The following ANKRD45 variants were observed in gnomAD, a reference collection of about 807,000 sequenced individuals.
ANKRD45 encodes ankyrin repeat domain-containing protein 45.
A neutral mutation model predicts 28.1 loss-of-function variants in ANKRD45; 21 were observed. That is an observed-to-expected ratio of 0.75 (90% CI 0.53 to 1.08). ANKRD45 has a LOEUF of 1.08. Among genes scored for constraint, ANKRD45 ranks in the 50% least tolerant of loss-of-function variants. The pLI is 0.00. For missense variants in ANKRD45, 261 were observed against 308.7 expected (o/e 0.85, Z 1.16); for synonymous variants, 86 against 103.9 (o/e 0.83, Z 1.05).
the ANKRD45 span, among the ~76,000 whole-genome samples, chr1:173,697,281 C>T: frequency 6.6e-6 from 1 of 152,184 alleles, no homozygotes; most frequent in Admixed American, 6.5e-5. Flanking sequence ...CCTAGCAAGG[C>T]AGGCCAACAT....
intron 5 of ANKRD45, chr1:173,612,525 C>T (rs1489465758): frequency 6.6e-6 from 1 of 152,188 alleles, no homozygotes; most frequent in African/African-American, 2.4e-5. Flanking sequence ...CATTAAGATA[C>T]CACTTCATAC....
chr1:173,640,212 C>A (rs1668641997), intron 3 of ANKRD45, among the ~76,000 whole-genome samples: 2 of 152,124 alleles, frequency 1.3e-5, no homozygotes, highest in Middle Eastern at 6.8e-3. Flanking sequence ...AGTTCCTGAG[C>A]AATTATATAC....
chr1:173,687,254 G>A, the ANKRD45 span, among the ~76,000 whole-genome samples: 2 of 151,964 alleles, frequency 1.3e-5, no homozygotes, highest in African/African-American at 4.8e-5. Context: ...TTTACATTCA[G>A]GAGGCCTAAT....
the ANKRD45 span, among the ~76,000 whole-genome samples, chr1:173,706,467 T>C: frequency 1.3e-5 from 2 of 151,680 alleles, no homozygotes; most frequent in African/African-American, 2.4e-5. Context: ...GCCTCCCAAG[T>C]AGCTGGGATT....
the ANKRD45 span, among the ~76,000 whole-genome samples, chr1:173,675,129 T>C: frequency 1.3e-5 from 2 of 152,138 alleles, no homozygotes; most frequent in African/African-American, 4.8e-5. Flanking sequence ...AGTAGGCAGG[T>C]ATGAAAGTGG....
the ANKRD45 span, among the ~76,000 whole-genome samples, chr1:173,696,878 G>A: frequency 0.019 from 2,912 of 152,146 alleles, 86 homozygotes; most frequent in African/African-American, 0.067. Flanking sequence ...TAAGCTAAAG[G>A]AGCATGTTCA....
At chr1:173,688,517 T>TC in the ANKRD45 span, among the ~76,000 whole-genome samples, 211 of 143,070 alleles carry the variant, frequency 1.5e-3, 2 homozygotes, top group African/African-American at 5.1e-3. Context: ...CCTCTTCCTC[T>TC]TTGCCTCTTC....
chr1:173,609,310 A>G lies in ANKRD45; in HGVS notation c.*835T>C, dbSNP rs1221618001. Among the ~76,000 whole-genome samples the G allele has an allele frequency of 6.6e-6, 1 of 152,244 alleles. No homozygotes were observed. The highest frequency in any genetic ancestry group is 1.9e-4 in the East Asian group (1 of 5,190). On this transcript the variant is annotated 3_prime_UTR_variant, in exon 6 of 6. Transcript: ENST00000333279. Reference sequence around the variant, plus strand: ...AGAACAGGACAAAGAAGAGAAAGCCATAAGAACGAACAATAAGTGCTTTTT... The same window carrying G: ...AGAACAGGACAAAGAAGAGAAAGCCGTAAGAACGAACAATAAGTGCTTTTT...
At chr1:173,615,559 A>T (rs6694637) in intron 5 of ANKRD45, among the ~76,000 whole-genome samples, 8 of 152,268 alleles carry the variant, frequency 5.3e-5, no homozygotes, top group South Asian at 4.1e-4. Context: ...CAAAATTAAC[A>T]ATAAAATTAA....
At chr1:173,614,360 G>A (rs1313856428) in intron 5 of ANKRD45, among the ~76,000 whole-genome samples, 1 of 152,120 alleles carries the variant, frequency 6.6e-6, no homozygotes, top group Non-Finnish European at 1.5e-5. Context: ...GGGCTCTACG[G>A]CCACTATTTT....
intron 2 of ANKRD45, among the ~76,000 whole-genome samples, chr1:173,650,823 G>C (rs1474851780): frequency 1.3e-5 from 2 of 152,198 alleles, no homozygotes; most frequent in Non-Finnish European, 2.9e-5. Context: ...TTGTGGGTTT[G>C]ATTTGCATTT....
the ANKRD45 span, among the ~76,000 whole-genome samples, chr1:173,694,898 A>G: frequency 2.0e-5 from 3 of 152,186 alleles, no homozygotes; most frequent in African/African-American, 7.2e-5. Context: ...TATTTTTATT[A>G]GGAAATTTTT....
chr1:173,608,627 T>C lies in ANKRD45; in HGVS notation c.*1518A>G, dbSNP rs943731510. On this transcript the variant is annotated 3_prime_UTR_variant, in exon 6 of 6. Transcript: ENST00000333279. ...AGCCAGCACCCAGCCTGCAAATGTT[T>C]ATTTTTTCAATTACCCAAGCATGGT... Among the ~76,000 whole-genome samples the C allele has an allele frequency of 6.6e-6, 1 of 151,516 alleles. No individual in the cohort carries two copies. The highest frequency in any genetic ancestry group is 2.4e-5 in the African/African-American group (1 of 41,166).
chr1:173,697,895 A>G, the ANKRD45 span, among the ~76,000 whole-genome samples: 1 of 152,118 alleles, frequency 6.6e-6, no homozygotes, highest in Non-Finnish European at 1.5e-5. Flanking sequence ...GTCAAGACCC[A>G]TCAGTGTGCT....
chr1:173,669,758 C>T (rs2102406115), intron 1 of ANKRD45, 59 bp downstream of exon 1: 1 of 240,374 alleles, frequency 4.2e-6, no homozygotes, highest in African/African-American at 2.3e-5. Context: ...CCGTCTACCC[C>T]ATCGCACTCC....
chr1:173,654,353 C>T (rs932476356), intron 2 of ANKRD45, among the ~76,000 whole-genome samples: 23 of 152,132 alleles, frequency 1.5e-4, no homozygotes, highest in African/African-American at 3.6e-4. Context: ...CCTTTACTTA[C>T]GAAGCTTAGT....
rs538816127 is a variant in ANKRD45 at position 173,644,003 on chromosome 1, C to T, written c.496+2843G>A. 2.0e-5 allele frequency among the ~76,000 whole-genome samples: 3 copies of T among 152,250 alleles called. No homozygotes were observed. The South Asian group carries it at 6.2e-4, about 32-fold the overall frequency. On this transcript the variant is annotated intron_variant, in intron 3 of 5. Transcript: ENST00000333279. The stretch of plus-strand genomic sequence containing the variant: ...ATGTTTGTTTCATACTTTCAGAGTT[C>T]TGAAATGTTAGCTAATTCCCTCTAA...
intron 1 of ANKRD45, among the ~76,000 whole-genome samples, chr1:173,664,523 A>G (rs1669924366): frequency 6.6e-6 from 1 of 152,162 alleles, no homozygotes; most frequent in African/African-American, 2.4e-5. Flanking sequence ...CATCTCCTAC[A>G]TTCCAACTAC....
intron 1 of ANKRD45, among the ~76,000 whole-genome samples, chr1:173,663,805 T>C (rs1669889642): frequency 1.3e-5 from 2 of 152,212 alleles, no homozygotes; most frequent in African/African-American, 4.8e-5. Context: ...TATACGTAAA[T>C]TAGTTTATGA....
Sources: allele counts gnomAD v4.1 joint callset (sites outside exome capture counted in the v4.1 genomes callset), GRCh38; gene constraint gnomAD v4.1.1; transcripts MANE v1.5; gene names NCBI Gene and HGNC (gene_info 2026-07-23, HGNC 2026-07-21).